The following HS3ST5 variants were observed in gnomAD, a reference collection of about 807,000 sequenced individuals.
The protein encoded by HS3ST5 is heparan sulfate glucosamine 3-O-sulfotransferase 5.
In HS3ST5, 10 loss-of-function variants were observed where a neutral mutation model predicts 25.4. The ratio of observed to expected loss-of-function variants is 0.39; its 90% CI spans 0.24 to 0.67. HS3ST5 has a LOEUF of 0.67. Ranked by LOEUF, HS3ST5 falls within the 30% of genes least tolerant of loss-of-function variation. The pLI is 0.44. For synonymous variants in HS3ST5, 170 were observed against 162.4 expected (o/e 1.05, Z -0.36); for missense variants, 324 against 420.7 (o/e 0.77, Z 2.01).
At chr6:114,262,163 T>A (rs1773201729) in intron 1 of HS3ST5, among the ~76,000 whole-genome samples, 1 of 152,234 alleles carries the variant, frequency 6.6e-6, no homozygotes, top group Admixed American at 6.5e-5. Flanking sequence ...TTTCATAATA[T>A]TGAATCTATG....
chr6:114,101,750 G>T (rs945503629), intron 3 of HS3ST5, among the ~76,000 whole-genome samples: 1 of 152,288 alleles, frequency 6.6e-6, no homozygotes, highest in Middle Eastern at 3.4e-3. Context: ...ACATGCACAC[G>T]TGTGTTCATC....
chr6:114,216,666 T>A (rs1781778447), intron 2 of HS3ST5, among the ~76,000 whole-genome samples: 1 of 150,118 alleles, frequency 6.7e-6, no homozygotes, highest in Non-Finnish European at 1.5e-5. Context: ...ATGAACTTCT[T>A]ATTCTGACTC....
intron 2 of HS3ST5, among the ~76,000 whole-genome samples, chr6:114,200,333 G>T (rs1392835404): frequency 6.6e-6 from 1 of 152,210 alleles, no homozygotes; most frequent in Non-Finnish European, 1.5e-5. Flanking sequence ...AAAGGTGTTA[G>T]CAAGTCCTCT....
intron 2 of HS3ST5, among the ~76,000 whole-genome samples, chr6:114,214,610 G>C (rs1265160217): frequency 6.6e-6 from 1 of 152,212 alleles, no homozygotes; most frequent in Admixed American, 6.5e-5. Context: ...GAAACAATTA[G>C]AAAGGACAGT....
chr6:114,060,769 C>A (rs1283197748), intron 4 of HS3ST5, among the ~76,000 whole-genome samples: 1 of 152,190 alleles, frequency 6.6e-6, no homozygotes, highest in Non-Finnish European at 1.5e-5. Flanking sequence ...CTTCCTTCCT[C>A]TTTCTATCTT....
chr6:114,243,629 G>T (rs1772244267), intron 1 of HS3ST5, among the ~76,000 whole-genome samples: 1 of 152,198 alleles, frequency 6.6e-6, no homozygotes, highest in Non-Finnish European at 1.5e-5. Context: ...TGTTTTTGTT[G>T]TTGTTGTTGT....
chr6:114,292,694 T>G (rs1364477945), intron 1 of HS3ST5, among the ~76,000 whole-genome samples: 1 of 152,196 alleles, frequency 6.6e-6, no homozygotes. Context: ...TGGACAGACA[T>G]GTACAGTCAT....
chr6:114,283,999 G>A (rs999215607), intron 1 of HS3ST5, among the ~76,000 whole-genome samples: 3 of 151,896 alleles, frequency 2.0e-5, no homozygotes, highest in African/African-American at 7.3e-5. Flanking sequence ...TCCATTCCAC[G>A]TAGGTCTAGT....
At chr6:114,108,720 C>T (rs571485043) in intron 3 of HS3ST5, among the ~76,000 whole-genome samples, 71 of 152,190 alleles carry the variant, frequency 4.7e-4, no homozygotes, top group African/African-American at 1.7e-3. Flanking sequence ...AACAAAGAGG[C>T]ATAAGGACAT....
At chr6:114,149,146 G>A (rs559436023) in intron 3 of HS3ST5, among the ~76,000 whole-genome samples, 162 of 152,312 alleles carry the variant, frequency 1.1e-3, no homozygotes, top group African/African-American at 3.8e-3. Flanking sequence ...GTGTAAATTA[G>A]TTCAACCATT....
intron 1 of HS3ST5, among the ~76,000 whole-genome samples, chr6:114,283,162 T>A (rs1774195907): frequency 6.6e-6 from 1 of 151,994 alleles, no homozygotes; most frequent in African/African-American, 2.4e-5. Context: ...GAATGAATGC[T>A]GTTTAAATAC....
At chr6:114,302,343 C>T (rs1775112944) in intron 1 of HS3ST5, among the ~76,000 whole-genome samples, 1 of 152,100 alleles carries the variant, frequency 6.6e-6, no homozygotes, top group South Asian at 2.1e-4. Context: ...TAGAATATGG[C>T]AGTAGACATG....
chr6:114,221,227 A>G (rs1024504381), intron 2 of HS3ST5, among the ~76,000 whole-genome samples: 1 of 152,002 alleles, frequency 6.6e-6, no homozygotes, highest in African/African-American at 2.4e-5. Context: ...TTTACATGGT[A>G]ATTAACATAA....
chr6:114,121,660 T>G (rs1776792322), intron 3 of HS3ST5, among the ~76,000 whole-genome samples: 1 of 152,136 alleles, frequency 6.6e-6, no homozygotes, highest in Non-Finnish European at 1.5e-5. Flanking sequence ...TACAAATAAT[T>G]TAACATAGTT....
chr6:114,152,977 T>C (rs529198303), intron 3 of HS3ST5, among the ~76,000 whole-genome samples: 1 of 152,336 alleles, frequency 6.6e-6, no homozygotes, highest in African/African-American at 2.4e-5. Flanking sequence ...GGGCTAGTCC[T>C]AGTCTTTCTC....
intron 1 of HS3ST5, among the ~76,000 whole-genome samples, chr6:114,306,748 A>C (rs1004578132): frequency 6.6e-6 from 1 of 152,184 alleles, no homozygotes; most frequent in Non-Finnish European, 1.5e-5. Context: ...GTGCTTTACA[A>C]TCCAGAATCC....
chr6:114,225,271 A>G (rs4945993), intron 2 of HS3ST5, among the ~76,000 whole-genome samples: 63,512 of 151,656 alleles, frequency 0.42, 14,418 homozygotes, highest in South Asian at 0.65. Context: ...GTAACAAGGC[A>G]TTGAAGGAAA....
At chr6:114,119,583 G>T (rs1421487216) in intron 3 of HS3ST5, among the ~76,000 whole-genome samples, 1 of 152,140 alleles carries the variant, frequency 6.6e-6, no homozygotes, top group Non-Finnish European at 1.5e-5. Flanking sequence ...AGCTTTTAGA[G>T]AAGCGAATAT....
At chr6:114,303,269 G>A (rs914058643) in intron 1 of HS3ST5, among the ~76,000 whole-genome samples, 1 of 151,766 alleles carries the variant, frequency 6.6e-6, no homozygotes, top group Non-Finnish European at 1.5e-5. Flanking sequence ...GGTGATTAAC[G>A]CATGTTTGTC....
Sources: gnomAD v4.1 joint callset for allele counts (sites outside exome capture counted in the v4.1 genomes callset) on GRCh38, gnomAD v4.1.1 for gene constraint, MANE v1.5 for transcripts, NCBI Gene and HGNC (gene_info 2026-07-23, HGNC 2026-07-21) for gene names.